FAM53A: variants seen among roughly 807,000 people sequenced by gnomAD.
The protein encoded by FAM53A is protein FAM53A.
A neutral mutation model predicts 26.6 loss-of-function variants in FAM53A; 28 were observed. That is an observed-to-expected ratio of 1.05 (90% CI 0.78 to 1.45). The LOEUF (loss-of-function observed/expected upper bound fraction) is 1.45. Ranked by LOEUF, FAM53A falls within the 40% of genes most tolerant of loss-of-function variation. The pLI, the probability that FAM53A is intolerant of heterozygous loss-of-function variation, is 0.00. For synonymous variants in FAM53A, 290 were observed against 253.1 expected, an observed-to-expected ratio of 1.15 and a Z score of -1.38; for missense variants, 650 against 575.8, an observed-to-expected ratio of 1.13 and a Z score of -1.32.
chr4:1,599,863 A>C, the FAM53A span, among the ~76,000 whole-genome samples: 1 of 152,168 alleles, frequency 6.6e-6, no homozygotes, highest in South Asian at 2.1e-4. This position sits in a 1 kb window ranked among gnomAD's most constrained non-coding sequence, Gnocchi z 6.1. Flanking sequence ...AGAAAACGGC[A>C]GGGCAGAGGG....
At chr4:1,591,156 T>G in the FAM53A span, among the ~76,000 whole-genome samples, 1 of 151,894 alleles carries the variant, frequency 6.6e-6, no homozygotes, top group Non-Finnish European at 1.5e-5. Context: ...GGTGTATCTC[T>G]TTTCCATCCC....
the FAM53A span, among the ~76,000 whole-genome samples, chr4:1,602,225 C>T: frequency 6.6e-6 from 1 of 152,120 alleles, no homozygotes; most frequent in Non-Finnish European, 1.5e-5. Flanking sequence ...TTTAAGAGAT[C>T]TGGGGCAAGA....
chr4:1,656,542 G>A (rs1577127512), intron 3 of FAM53A, among the ~76,000 whole-genome samples: 3 of 152,138 alleles, frequency 2.0e-5, no homozygotes, highest in African/African-American at 4.8e-5. Flanking sequence ...CAGGGAGAGC[G>A]GCCGGCTGGG....
At position 1,671,789 on chromosome 4, in the gene FAM53A, G is replaced by T. The variant is rs573280815; in HGVS notation, c.-164-2884C>A. 1.8e-3 allele frequency among the ~76,000 whole-genome samples: 268 copies of T among 152,362 alleles called. 1 individual carries two copies. The highest frequency in any genetic ancestry group is 6.2e-3 in the African/African-American group (257 of 41,590). Reference sequence around the variant, plus strand: ...GCACACCCACCTTCCAAACCCTCCTGATTGCACAAAGCACACACACAACCC... The same window carrying T: ...GCACACCCACCTTCCAAACCCTCCTTATTGCACAAAGCACACACACAACCC... On this transcript the variant is annotated intron_variant, in intron 1 of 4. Coordinates refer to ENST00000308132, the MANE Select transcript of FAM53A (RefSeq NM_001174070.3).
At chr4:1,675,447 G>A (rs1714977555) in intron 1 of FAM53A, among the ~76,000 whole-genome samples, 1 of 152,140 alleles carries the variant, frequency 6.6e-6, no homozygotes. Context: ...ACACTAAGTG[G>A]GCTCACTTCA....
upstream of FAM53A, chr4:1,684,385 C>G (rs1407184204): frequency 6.7e-6 from 1 of 148,572 alleles, no homozygotes; most frequent in African/African-American, 2.4e-5. Flanking sequence ...CGCCCCGCCG[C>G]CGCCGCGAGC....
the FAM53A span, among the ~76,000 whole-genome samples, chr4:1,575,421 T>G: frequency 6.6e-6 from 1 of 152,182 alleles, no homozygotes; most frequent in South Asian, 2.1e-4. Context: ...TTTAGGAGAC[T>G]TTGACAGGGG....
the FAM53A span, among the ~76,000 whole-genome samples, chr4:1,601,942 C>T: frequency 1.4e-3 from 51 of 35,938 alleles, 16 homozygotes; most frequent in Non-Finnish European, 3.1e-3. Context: ...GGAGGTGGGA[C>T]GGTGGAGGTG....
chr4:1,634,018 CCAG>C, intron 1 of FAM53A, among the ~76,000 whole-genome samples: 1 of 152,148 alleles, frequency 6.6e-6, no homozygotes. Flanking sequence ...CCCGGGAGGA[CCAG>C]CAGAACACCA....
the FAM53A span, among the ~76,000 whole-genome samples, chr4:1,578,232 C>T: frequency 6.6e-6 from 1 of 152,318 alleles, no homozygotes; most frequent in East Asian, 1.9e-4. Flanking sequence ...TATTCCCTGC[C>T]TATTAATTCT....
At chr4:1,594,133 C>T in the FAM53A span, among the ~76,000 whole-genome samples, 1 of 152,238 alleles carries the variant, frequency 6.6e-6, no homozygotes, top group Non-Finnish European at 1.5e-5. Flanking sequence ...GGAGCCTCCT[C>T]TGCGAGGTCC....
At chr4:1,683,614 G>A (rs798725) in intron 1 of FAM53A, 2,953 of 152,296 alleles carry the variant, frequency 0.019, 48 homozygotes, top group South Asian at 0.062. Flanking sequence ...TCTGGTTTGA[G>A]TTTAAAACGA....
chr4:1,629,004 G>C (rs1369766331), intron 1 of FAM53A, among the ~76,000 whole-genome samples: 2 of 151,886 alleles, frequency 1.3e-5, no homozygotes, highest in African/African-American at 4.8e-5. Context: ...CCCCGTGACC[G>C]CGTGGTCTCC....
chr4:1,659,429 G>C lies in FAM53A; in HGVS notation c.76-1961C>G, dbSNP rs1342776878. 6.6e-6 allele frequency among the ~76,000 whole-genome samples: 1 copy of C among 152,246 alleles called. No homozygotes were observed. The highest frequency in any genetic ancestry group is 1.5e-5 in the Non-Finnish European group (1 of 68,050). ...CATGAACAGCACCCAGCTCGACGCT[G>C]CCACGGAAAAACGTCTAGCAAGGAA... On this transcript the variant is annotated intron_variant, in intron 2 of 4. Coordinates refer to ENST00000308132, the MANE Select transcript of FAM53A (RefSeq NM_001174070.3). The surrounding 1 kb of genome is among the most constrained non-coding windows in gnomAD (Gnocchi z 5.2).
At chr4:1,603,771 T>G in the FAM53A span, among the ~76,000 whole-genome samples, 1 of 152,194 alleles carries the variant, frequency 6.6e-6, no homozygotes, top group Admixed American at 6.5e-5. Flanking sequence ...TAAGCAGATT[T>G]AAAGTGGAAG....
At chr4:1,644,064 C>A in intron 4 of FAM53A, 1 of 1,308,048 alleles carries the variant, frequency 7.6e-7, no homozygotes, top group Non-Finnish European at 1.0e-6. Flanking sequence ...CTCACCAGCT[C>A]GGTCTGGTGT....
intron 1 of FAM53A, among the ~76,000 whole-genome samples, chr4:1,622,638 G>A (rs955287998): frequency 5.3e-5 from 8 of 152,268 alleles, no homozygotes; most frequent in Non-Finnish European, 8.8e-5. Flanking sequence ...GGGGTCTGGC[G>A]GGGGCTGTGA....
the FAM53A span, among the ~76,000 whole-genome samples, chr4:1,592,118 G>A: frequency 2.6e-5 from 4 of 152,152 alleles, no homozygotes; most frequent in African/African-American, 9.7e-5. Context: ...TTGTCGGGCC[G>A]CTGTGCCTAC....
At chr4:1,600,188 T>C in the FAM53A span, among the ~76,000 whole-genome samples, 3 of 151,950 alleles carry the variant, frequency 2.0e-5, no homozygotes, top group African/African-American at 7.3e-5. Flanking sequence ...TAGTGTGAGG[T>C]GAGCTGAGGG....
Sources: gnomAD v4.1 joint callset for allele counts (sites outside exome capture counted in the v4.1 genomes callset) on GRCh38, gnomAD v4.1.1 for gene constraint, Gnocchi (gnomAD v3.1) non-coding constraint, MANE v1.5 for transcripts, NCBI Gene and HGNC (gene_info 2026-07-23, HGNC 2026-07-21) for gene names.